NCOA2: variants seen among roughly 807,000 people sequenced by gnomAD.
The protein encoded by NCOA2 is nuclear receptor coactivator 2, also known as class E basic helix-loop-helix protein 75.
NCOA2 carries 21 observed loss-of-function variants against 145.1 expected under a neutral mutation model. That is an observed-to-expected ratio of 0.14 (90% CI 0.10 to 0.21). NCOA2 has a LOEUF of 0.21. NCOA2 is among the 10% of genes least tolerant of loss of function. The probability of loss-of-function intolerance (pLI) is 1.00; values close to 1 mark genes in which losing one functional copy is unlikely to be tolerated. For synonymous variants in NCOA2, 619 were observed against 637.5 expected, an observed-to-expected ratio of 0.97 and a Z score of 0.44; for missense variants, 1,472 against 1,837.6, an observed-to-expected ratio of 0.80 and a Z score of 3.64.
intron 11 of NCOA2, among the ~76,000 whole-genome samples, chr8:70,150,363 C>T (rs1433134440): frequency 2.0e-5 from 3 of 152,228 alleles, no homozygotes; most frequent in Admixed American, 6.5e-5. Context: ...CCAACAGCAA[C>T]AGTCTTTCCT....
intron 4 of NCOA2, among the ~76,000 whole-genome samples, chr8:70,210,948 G>A (rs1818953816): frequency 6.6e-6 from 1 of 152,178 alleles, no homozygotes; most frequent in African/African-American, 2.4e-5. Flanking sequence ...CTGGATAATG[G>A]TGTAAAGATG....
At chr8:70,168,659 A>G (rs940186490) in intron 6 of NCOA2, among the ~76,000 whole-genome samples, 2 of 152,226 alleles carry the variant, frequency 1.3e-5, no homozygotes, top group African/African-American at 4.8e-5. Context: ...CAAAATAAAG[A>G]CTACACAGAG....
chr8:70,269,125 A>C (rs1380641454), intron 2 of NCOA2, among the ~76,000 whole-genome samples: 3 of 152,226 alleles, frequency 2.0e-5, no homozygotes, highest in African/African-American at 7.2e-5. Flanking sequence ...AATTTTTTAA[A>C]ATCAGTTATA....
chr8:70,433,895 T>G, the NCOA2 span, among the ~76,000 whole-genome samples: 1 of 152,138 alleles, frequency 6.6e-6, no homozygotes. Flanking sequence ...TTTATGTAAT[T>G]TGGGGGACTT....
At chr8:70,443,282 T>C in the NCOA2 span, among the ~76,000 whole-genome samples, 1 of 151,964 alleles carries the variant, frequency 6.6e-6, no homozygotes, top group East Asian at 1.9e-4. Context: ...GGCAGGAGGA[T>C]CACTTGAGCC....
chr8:70,276,577 G>T (rs1376714002), intron 2 of NCOA2, among the ~76,000 whole-genome samples: 1 of 152,106 alleles, frequency 6.6e-6, no homozygotes, highest in African/African-American at 2.4e-5. Context: ...TTATCACTGA[G>T]ATCTGATGGT....
chr8:70,381,147 A>G (rs184551779), intron 1 of NCOA2, among the ~76,000 whole-genome samples: 1 of 152,048 alleles, frequency 6.6e-6, no homozygotes, highest in Admixed American at 6.5e-5. Flanking sequence ...GGAGTAATAG[A>G]TAAAGGTATA....
intron 1 of NCOA2, among the ~76,000 whole-genome samples, chr8:70,330,239 T>TGATG (rs1806974079): frequency 6.6e-6 from 1 of 151,784 alleles, no homozygotes; most frequent in African/African-American, 2.4e-5. Flanking sequence ...ATGATGATGA[T>TGATG]CTGGTTTCTT....
At chr8:70,414,491 G>A in the NCOA2 span, among the ~76,000 whole-genome samples, 3 of 152,244 alleles carry the variant, frequency 2.0e-5, no homozygotes, top group South Asian at 2.1e-4. Flanking sequence ...AGGTGACTTT[G>A]AGTATTCCCC....
chr8:70,229,485 T>G (rs186209285), intron 2 of NCOA2, among the ~76,000 whole-genome samples: 110 of 152,236 alleles, frequency 7.2e-4, no homozygotes, highest in African/African-American at 2.6e-3. Flanking sequence ...TGGGTGAGCA[T>G]GTATAAGAGA....
chr8:70,416,529 C>T, the NCOA2 span, among the ~76,000 whole-genome samples: 1 of 152,290 alleles, frequency 6.6e-6, no homozygotes, highest in African/African-American at 2.4e-5. Context: ...AAGCAAAGTC[C>T]TTGAGTAATG....
intron 2 of NCOA2, chr8:70,273,670 A>T: frequency 2.9e-6 from 2 of 682,764 alleles, no homozygotes; most frequent in Admixed American, 3.6e-5. Context: ...TGCTACCCAG[A>T]ATCTTAAACC....
At chr8:70,117,138 G>A (rs935226298) in intron 22 of NCOA2, among the ~76,000 whole-genome samples, 3 of 152,388 alleles carry the variant, frequency 2.0e-5, no homozygotes, top group Admixed American at 6.5e-5. Context: ...CAGGATGCAC[G>A]TGAAGGTGAA....
chr8:70,301,747 C>A (rs1215185267), intron 1 of NCOA2, among the ~76,000 whole-genome samples: 4 of 141,240 alleles, frequency 2.8e-5, no homozygotes, highest in African/African-American at 1.1e-4. Context: ...AAACATGGAA[C>A]AAACAGGCTG....
intron 1 of NCOA2, among the ~76,000 whole-genome samples, chr8:70,371,598 T>G (rs1488155459): frequency 6.6e-6 from 1 of 152,234 alleles, no homozygotes; most frequent in Non-Finnish European, 1.5e-5. Context: ...CCTAATATTC[T>G]GATACAGGAT....
At chr8:70,329,073 G>A (rs937240008) in intron 1 of NCOA2, among the ~76,000 whole-genome samples, 6 of 151,984 alleles carry the variant, frequency 3.9e-5, no homozygotes, top group Non-Finnish European at 7.4e-5. Flanking sequence ...TCCTGCCTCA[G>A]CCATCTAAGG....
intron 2 of NCOA2, among the ~76,000 whole-genome samples, chr8:70,282,192 T>C (rs1825935077): frequency 6.6e-6 from 1 of 152,172 alleles, no homozygotes; most frequent in Admixed American, 6.5e-5. Context: ...TATTTGAGCA[T>C]CTCAATATGG....
Position 70,138,268 on chromosome 8 carries a change from A to G in NCOA2, c.3093T>C (p.Asn1031=). Reference sequence around the variant, plus strand: ...TGCTTTCAGGCCATGGGGCAGTCTGATTTGGAGGAGCTTGTTGTTGGCTAT... The same window carrying G: ...TGCTTTCAGGCCATGGGGCAGTCTGGTTTGGAGGAGCTTGTTGTTGGCTAT... ...PQYSQQQAPP[N]QTAPWPESIL... Residue 1031 remains asparagine (N), a synonymous_variant, in exon 15 of 23, where the codon AAT becomes AAC. Coordinates refer to ENST00000452400, the MANE Select transcript of NCOA2 (RefSeq NM_006540.4). 1 of 1,613,686 alleles carries G rather than the reference A, an allele frequency of 6.2e-7. No homozygotes were observed. The highest frequency in any genetic ancestry group is 8.5e-7 in the Non-Finnish European group (1 of 1,179,744).
the NCOA2 span, among the ~76,000 whole-genome samples, chr8:70,432,115 A>G: frequency 6.6e-6 from 1 of 152,254 alleles, no homozygotes; most frequent in East Asian, 1.9e-4. Flanking sequence ...CTAGATAGGT[A>G]TTTACACTAC....
Sources: allele counts gnomAD v4.1 joint callset (sites outside exome capture counted in the v4.1 genomes callset), GRCh38; gene constraint gnomAD v4.1.1; transcripts MANE v1.5; gene names NCBI Gene and HGNC (gene_info 2026-07-23, HGNC 2026-07-21).